Variants in NTM observed in about 807,000 individuals in gnomAD.
NTM encodes the protein neurotrimin.
NTM carries 13 observed loss-of-function variants against 42.1 expected under a neutral mutation model. That is an observed-to-expected ratio of 0.31 (90% CI 0.20 to 0.49). The LOEUF (loss-of-function observed/expected upper bound fraction) is 0.49. Among genes scored for constraint, NTM ranks in the 20% least tolerant of loss-of-function variants. NTM has a pLI of 0.99. For synonymous variants in NTM, 187 were observed against 179.2 expected (o/e 1.04, Z -0.35); for missense variants, 373 against 452.8 (o/e 0.82, Z 1.60).
At chr11:131,888,749 A>G (rs1019135072) in intron 1 of NTM, among the ~76,000 whole-genome samples, 8 of 152,160 alleles carry the variant, frequency 5.3e-5, no homozygotes, top group African/African-American at 1.9e-4. Context: ...CACAGGGGGT[A>G]AAGGGAGCAG....
chr11:132,188,260 G>A (rs2078746307), intron 3 of NTM, among the ~76,000 whole-genome samples: 1 of 152,196 alleles, frequency 6.6e-6, no homozygotes, highest in African/African-American at 2.4e-5. Flanking sequence ...TAGTGCTGAG[G>A]TTGAGGAACC....
chr11:131,810,667 T>C (rs911843333), intron 1 of NTM, among the ~76,000 whole-genome samples: 4 of 152,208 alleles, frequency 2.6e-5, no homozygotes, highest in Non-Finnish European at 4.4e-5. Context: ...CATGTGAACA[T>C]GATCCAGGCT....
intron 1 of NTM, among the ~76,000 whole-genome samples, chr11:131,505,202 C>T (rs1216056476): frequency 1.3e-5 from 2 of 152,138 alleles, no homozygotes; most frequent in Non-Finnish European, 2.9e-5. Flanking sequence ...TGAAGCTCAG[C>T]TCACAGCACA....
intron 2 of NTM, among the ~76,000 whole-genome samples, chr11:131,984,959 A>T (rs1165253656): frequency 6.6e-6 from 1 of 152,174 alleles, no homozygotes; most frequent in Non-Finnish European, 1.5e-5. Context: ...CAAATCGTTA[A>T]GTAATATTGA....
At chr11:131,811,906 A>G (rs2092745729) in intron 1 of NTM, among the ~76,000 whole-genome samples, 1 of 152,230 alleles carries the variant, frequency 6.6e-6, no homozygotes, top group Admixed American at 6.5e-5. Context: ...GAGATAATCT[A>G]CATCTTTTAT....
At chr11:131,594,667 G>A (rs1313952650) in intron 1 of NTM, among the ~76,000 whole-genome samples, 2 of 152,142 alleles carry the variant, frequency 1.3e-5, no homozygotes, top group Non-Finnish European at 2.9e-5. Flanking sequence ...CCAGAGTGCT[G>A]GGATTTATAG....
chr11:132,082,623 G>A (rs950438328), intron 2 of NTM, among the ~76,000 whole-genome samples: 6 of 152,144 alleles, frequency 3.9e-5, no homozygotes, highest in African/African-American at 1.4e-4. Flanking sequence ...TAGGCATTTG[G>A]CTGTCTCCTC....
At chr11:131,558,193 A>T (rs777801281) in intron 1 of NTM, among the ~76,000 whole-genome samples, 2 of 152,126 alleles carry the variant, frequency 1.3e-5, no homozygotes, top group Non-Finnish European at 2.9e-5. Flanking sequence ...TTCCTTTGGA[A>T]GTTCTTCTGC....
chr11:131,760,964 G>A (rs1005387941), intron 1 of NTM, among the ~76,000 whole-genome samples: 2 of 152,088 alleles, frequency 1.3e-5, no homozygotes, highest in African/African-American at 4.8e-5. Context: ...TAGCTCCTGG[G>A]AGAGAATTAT....
At chr11:132,020,945 A>C (rs968146023) in intron 2 of NTM, among the ~76,000 whole-genome samples, 2 of 152,072 alleles carry the variant, frequency 1.3e-5, no homozygotes, top group African/African-American at 2.4e-5. Context: ...GTTTTTAATC[A>C]AATTTGGGAA....
intron 1 of NTM, among the ~76,000 whole-genome samples, chr11:131,704,078 T>G (rs942533222): frequency 2.6e-5 from 4 of 151,726 alleles, no homozygotes; most frequent in Non-Finnish European, 5.9e-5. Context: ...ACAACCCCCC[T>G]GGTTCCAAGC....
At chr11:132,081,946 A>ATT (rs971924920) in intron 2 of NTM, among the ~76,000 whole-genome samples, 39 of 127,372 alleles carry the variant, frequency 3.1e-4, no homozygotes, top group African/African-American at 2.7e-4. Context: ...ATATATATAT[A>ATT]TTTATATATA....
intron 1 of NTM, among the ~76,000 whole-genome samples, chr11:131,523,769 C>T (rs553407862): frequency 1.4e-4 from 16 of 113,166 alleles, no homozygotes; most frequent in African/African-American, 4.1e-4. Context: ...GCTGACAGAG[C>T]GAGACTCCAT....
intron 1 of NTM, among the ~76,000 whole-genome samples, chr11:131,442,015 A>T (rs1237037609): frequency 6.6e-6 from 1 of 152,236 alleles, no homozygotes; most frequent in African/African-American, 2.4e-5. Flanking sequence ...ACCACTCCTC[A>T]GATCACAGGG....
intron 1 of NTM, among the ~76,000 whole-genome samples, chr11:131,761,974 T>A (rs771606412): frequency 6.6e-6 from 1 of 152,168 alleles, no homozygotes; most frequent in Admixed American, 6.5e-5. Context: ...CAGGGAGAGA[T>A]CCCTGATCAG....
chr11:132,127,575 G>A (rs1025152674), intron 2 of NTM, among the ~76,000 whole-genome samples: 3 of 152,202 alleles, frequency 2.0e-5, no homozygotes, highest in Non-Finnish European at 4.4e-5. Context: ...TGCTGCATGT[G>A]CTGGTCAACA....
chr11:132,236,630 C>G (rs990438847), intron 4 of NTM, among the ~76,000 whole-genome samples: 1 of 152,144 alleles, frequency 6.6e-6, no homozygotes, highest in Non-Finnish European at 1.5e-5. Flanking sequence ...ATGGACAGAG[C>G]AATGAAAAGG....
intron 3 of NTM, among the ~76,000 whole-genome samples, chr11:132,177,523 TTTGCTAAAAA>T (rs1188926728): frequency 1.3e-5 from 2 of 152,198 alleles, no homozygotes; most frequent in Non-Finnish European, 2.9e-5. Flanking sequence ...TTACCTTCAC[TTTGCTAAAAA>T]TGAAGGTACT....
intron 1 of NTM, among the ~76,000 whole-genome samples, chr11:131,906,156 G>A (rs1234356049): frequency 6.6e-6 from 1 of 152,120 alleles, no homozygotes; most frequent in African/African-American, 2.4e-5. Context: ...AAATCTGCTT[G>A]CTGGTTGATT....
Sources: allele counts gnomAD v4.1 joint callset (sites outside exome capture counted in the v4.1 genomes callset), GRCh38; gene constraint gnomAD v4.1.1; transcripts MANE v1.5; gene names NCBI Gene and HGNC (gene_info 2026-07-23, HGNC 2026-07-21).